MAP3K20: variants seen among roughly 807,000 people sequenced by gnomAD.
MAP3K20 encodes HCCS-4.
In MAP3K20, 40 loss-of-function variants were observed where a neutral mutation model predicts 85.7. That is an observed-to-expected ratio of 0.47 (90% CI 0.36 to 0.61). The LOEUF (loss-of-function observed/expected upper bound fraction) is 0.61. Ranked by LOEUF, MAP3K20 falls within the 20% of genes least tolerant of loss-of-function variation. The pLI, the probability that MAP3K20 is intolerant of heterozygous loss-of-function variation, is 0.00. For missense variants in MAP3K20, 817 were observed against 961.7 expected (o/e 0.85, Z 1.99); for synonymous variants, 325 against 327.7 (o/e 0.99, Z 0.09).
At chr2:173,130,594 G>A (rs367825901) in intron 2 of MAP3K20, among the ~76,000 whole-genome samples, 16 of 149,002 alleles carry the variant, frequency 1.1e-4, no homozygotes, top group East Asian at 7.8e-4. Flanking sequence ...TTAAATGCAC[G>A]TTCACTAAAG....
chr2:173,167,591 T>A (rs1273836991), intron 2 of MAP3K20, among the ~76,000 whole-genome samples: 1 of 152,130 alleles, frequency 6.6e-6, no homozygotes, highest in Admixed American at 6.5e-5. Flanking sequence ...AACTGCAAAT[T>A]TTTTTGCAAA....
intron 16 of MAP3K20, among the ~76,000 whole-genome samples, chr2:173,246,605 C>G (rs376974189): frequency 6.6e-6 from 1 of 152,114 alleles, no homozygotes; most frequent in Non-Finnish European, 1.5e-5. Context: ...TTTGAGACTT[C>G]GTGTGTCATA....
chr2:173,164,291 A>G (rs189949613), intron 2 of MAP3K20, among the ~76,000 whole-genome samples: 1 of 152,080 alleles, frequency 6.6e-6, no homozygotes, highest in Admixed American at 6.6e-5. Context: ...TTTGATTTCC[A>G]TTTCTCTAAT....
chr2:173,228,130 C>T (rs1684436308), intron 11 of MAP3K20, among the ~76,000 whole-genome samples: 1 of 152,216 alleles, frequency 6.6e-6, no homozygotes, highest in South Asian at 2.1e-4. Context: ...AGAGTATACG[C>T]AGAACAGGAT....
intron 2 of MAP3K20, among the ~76,000 whole-genome samples, chr2:173,163,896 T>C (rs1028960965): frequency 3.9e-5 from 6 of 152,220 alleles, no homozygotes; most frequent in Admixed American, 2.0e-4. Context: ...CTAATTTACA[T>C]TCCCACCAGC....
chr2:173,209,986 T>A (rs750385760), intron 10 of MAP3K20, 151 bp downstream of exon 10: 1 of 672,124 alleles, frequency 1.5e-6, no homozygotes, highest in Non-Finnish European at 2.6e-6. Context: ...ATTTTGGAAC[T>A]CTTATAAGTC....
chr2:173,132,244 C>T (rs78027619), intron 2 of MAP3K20, among the ~76,000 whole-genome samples: 37 of 152,230 alleles, frequency 2.4e-4, no homozygotes, highest in Non-Finnish European at 2.9e-4. Context: ...GTCATTTCTG[C>T]ACAAAAATGG....
chr2:173,106,611 A>C (rs1365187396), intron 2 of MAP3K20, among the ~76,000 whole-genome samples: 1 of 152,168 alleles, frequency 6.6e-6, no homozygotes, highest in Admixed American at 6.5e-5. Flanking sequence ...AGAGAATTGG[A>C]TTTCTTCAGG....
chr2:173,260,792 T>C (rs1163131189), intron 17 of MAP3K20, among the ~76,000 whole-genome samples: 1 of 152,224 alleles, frequency 6.6e-6, no homozygotes, highest in Non-Finnish European at 1.5e-5. Context: ...ATGATAGGAT[T>C]GAGTGATAGC....
intron 16 of MAP3K20, among the ~76,000 whole-genome samples, chr2:173,251,524 T>C (rs1360640501): frequency 6.6e-6 from 1 of 152,192 alleles, no homozygotes; most frequent in African/African-American, 2.4e-5. Context: ...TTAATTAACA[T>C]AGATAAATCT....
In MAP3K20 at chr2:173,267,422, A is replaced by C. The variant is rs1461862887; in HGVS notation, c.*672A>C. The C allele has an allele frequency of 2.0e-5, 3 of 151,842 alleles. No individual in the cohort carries two copies. The highest frequency in any genetic ancestry group is 4.4e-5 in the Non-Finnish European group (3 of 67,986). The allele number at this position is 151,842 out of a possible 1,614,324, so 9.4% of individuals were successfully genotyped here. A position where few individuals can be genotyped will look rare whatever the true frequency, so the allele number is the denominator to read the frequency against. ...GGCTCAGCCCTGCTGGTTAGTATTT[A>C]GTATTTATTTTAGTAAGATATTTGT... On this transcript the variant is annotated 3_prime_UTR_variant, in exon 20 of 20. Coordinates refer to ENST00000375213, the MANE Select transcript of MAP3K20 (RefSeq NM_016653.3).
At chr2:173,209,216 GACAA>G (rs1338441575) in intron 9 of MAP3K20, among the ~76,000 whole-genome samples, 1 of 151,748 alleles carries the variant, frequency 6.6e-6, no homozygotes, top group Non-Finnish European at 1.5e-5. Context: ...TTTTTTTTCT[GACAA>G]ACCAATTTGG....
intron 2 of MAP3K20, among the ~76,000 whole-genome samples, chr2:173,167,942 TTAACTC>T (rs1689883655): frequency 6.6e-6 from 1 of 152,198 alleles, no homozygotes; most frequent in Non-Finnish European, 1.5e-5. Flanking sequence ...GGTTCAAACA[TTAACTC>T]TATTGCTTTA....
intron 16 of MAP3K20, among the ~76,000 whole-genome samples, chr2:173,248,395 A>G (rs1684969702): frequency 6.6e-6 from 1 of 152,234 alleles, no homozygotes; most frequent in African/African-American, 2.4e-5. Flanking sequence ...TATATCAGTC[A>G]TATCTCAATA....
intron 8 of MAP3K20, among the ~76,000 whole-genome samples, chr2:173,202,683 C>T (rs1340153006): frequency 6.6e-6 from 1 of 152,164 alleles, no homozygotes; most frequent in African/African-American, 2.4e-5. Context: ...TCAAGCATGA[C>T]CACACCAGAG....
At chr2:173,135,002 A>G (rs998266497) in intron 2 of MAP3K20, among the ~76,000 whole-genome samples, 5 of 152,222 alleles carry the variant, frequency 3.3e-5, no homozygotes, top group African/African-American at 4.8e-5. Flanking sequence ...TAAAGTGAGG[A>G]TAACAGGACC....
At chr2:173,212,190 T>C (rs1683920632) in intron 10 of MAP3K20, 1 of 152,232 alleles carries the variant, frequency 6.6e-6, no homozygotes, top group Admixed American at 6.5e-5. Flanking sequence ...TATCCATTCA[T>C]TGAACTTCTG....
intron 14 of MAP3K20, among the ~76,000 whole-genome samples, chr2:173,234,204 G>A (rs995482615): frequency 2.0e-5 from 3 of 152,190 alleles, no homozygotes; most frequent in East Asian, 3.8e-4. Flanking sequence ...GGATCAGTTC[G>A]GAGGAAGGGT....
intron 3 of MAP3K20, among the ~76,000 whole-genome samples, chr2:173,176,113 G>T (rs973961225): frequency 1.3e-5 from 2 of 151,992 alleles, no homozygotes; most frequent in African/African-American, 4.8e-5. Flanking sequence ...CTCCTTTAAA[G>T]AAAAATAATG....
Sources: allele counts gnomAD v4.1 joint callset (sites outside exome capture counted in the v4.1 genomes callset), GRCh38; gene constraint gnomAD v4.1.1; transcripts MANE v1.5; gene names NCBI Gene and HGNC (gene_info 2026-07-23, HGNC 2026-07-21).